TULP4: variants seen among roughly 807,000 people sequenced by gnomAD.
TULP4 encodes the protein tubby-related protein 4.
A neutral mutation model predicts 129.0 loss-of-function variants in TULP4; 16 were observed. The ratio of observed to expected loss-of-function variants is 0.12; its 90% CI spans 0.08 to 0.19. The LOEUF is 0.19. TULP4 is among the 10% of genes least tolerant of loss of function. TULP4 has a pLI of 1.00. For missense variants in TULP4, 1,842 were observed against 2,059.1 expected (o/e 0.89, Z 2.04); for synonymous variants, 998 against 854.0 (o/e 1.17, Z -2.94).
At chr6:158,292,887 T>C (rs895944069) in intron 1 of TULP4, among the ~76,000 whole-genome samples, 2 of 152,234 alleles carry the variant, frequency 1.3e-5, no homozygotes, top group Non-Finnish European at 1.5e-5. Flanking sequence ...CTGTGTACCC[T>C]GTGTGACATG....
At chr6:158,458,932 G>A (rs752756148) in intron 5 of TULP4, among the ~76,000 whole-genome samples, 16 of 152,162 alleles carry the variant, frequency 1.1e-4, no homozygotes, top group African/African-American at 2.2e-4. Context: ...GTCCCTGGTC[G>A]CGGCTGTGCC....
chr6:158,400,561 C>A (rs1479052940), intron 1 of TULP4, among the ~76,000 whole-genome samples: 1 of 152,040 alleles, frequency 6.6e-6, no homozygotes, highest in Non-Finnish European at 1.5e-5. Context: ...CTGATCAGAT[C>A]ATCTTTGCAT....
chr6:158,358,856 T>C (rs1033371171), intron 1 of TULP4, among the ~76,000 whole-genome samples: 4 of 152,156 alleles, frequency 2.6e-5, no homozygotes, highest in African/African-American at 9.7e-5. Flanking sequence ...AGGAGACAAG[T>C]GCTGTCTGCC....
intron 12 of TULP4, 129 bp from the exon 13 acceptor site, chr6:158,501,549 G>GTC: frequency 1.1e-6 from 1 of 934,642 alleles, no homozygotes; most frequent in Non-Finnish European, 1.6e-6. Flanking sequence ...AAGCAGACAC[G>GTC]TCTCTGTCTC....
intron 1 of TULP4, among the ~76,000 whole-genome samples, chr6:158,353,937 C>CT (rs1780583064): frequency 6.6e-6 from 1 of 152,250 alleles, no homozygotes; most frequent in Non-Finnish European, 1.5e-5. Flanking sequence ...TGAGAAATGT[C>CT]TGAGAACAGC....
chr6:158,335,046 G>A (rs191554126), intron 1 of TULP4, among the ~76,000 whole-genome samples: 41 of 152,208 alleles, frequency 2.7e-4, no homozygotes, highest in Admixed American at 5.9e-4. Flanking sequence ...GGGAGGTTGA[G>A]GCGGGCGGAT....
chr6:158,419,896 G>A (rs1309892311), intron 2 of TULP4, among the ~76,000 whole-genome samples: 1 of 152,166 alleles, frequency 6.6e-6, no homozygotes, highest in South Asian at 2.1e-4. Context: ...ACGACAGTCA[G>A]CAAAGATGTA....
rs1232802945 is a variant in TULP4 at position 158,498,665 on chromosome 6, C to T, written c.1871-4C>T. ...TTAACTGTGCCCTTCTTTTTCCCCA[C>T]CAGTAATCTATAAAACCAGCCTCCT... On this transcript the variant is annotated splice_region_variant and splice_polypyrimidine_tract_variant and intron_variant, in intron 11 of 13. Coordinates refer to ENST00000367097, the MANE Select transcript of TULP4 (RefSeq NM_020245.5). 6.2e-7 allele frequency: 1 copy of T among 1,614,184 alleles called. No individual in the cohort carries two copies.
At chr6:158,362,170 C>G (rs1362261236) in intron 1 of TULP4, among the ~76,000 whole-genome samples, 1 of 152,180 alleles carries the variant, frequency 6.6e-6, no homozygotes, top group Non-Finnish European at 1.5e-5. Context: ...TGAACCCACA[C>G]TCTGGGTTAT....
intron 1 of TULP4, among the ~76,000 whole-genome samples, chr6:158,295,955 C>T (rs1052780045): frequency 6.6e-6 from 1 of 152,192 alleles, no homozygotes; most frequent in African/African-American, 2.4e-5. Context: ...TCCCGGCTCA[C>T]AATAGCCACC....
chr6:158,434,284 A>G (rs1778701593), intron 3 of TULP4, among the ~76,000 whole-genome samples: 1 of 152,232 alleles, frequency 6.6e-6, no homozygotes, highest in South Asian at 2.1e-4. Flanking sequence ...GATAGAAAAT[A>G]TTTTGGAGAA....
At chr6:158,340,533 C>T (rs1278128497) in intron 1 of TULP4, among the ~76,000 whole-genome samples, 1 of 152,108 alleles carries the variant, frequency 6.6e-6, no homozygotes, top group African/African-American at 2.4e-5. Context: ...CCGTACTGCT[C>T]CCAAACCAGG....
intron 5 of TULP4, among the ~76,000 whole-genome samples, chr6:158,455,579 G>A (rs982558094): frequency 6.6e-6 from 1 of 151,740 alleles, no homozygotes; most frequent in Admixed American, 6.6e-5. Flanking sequence ...TCTACTGAAA[G>A]TACAAAAATT....
In TULP4 at chr6:158,503,536, T is replaced by C. The variant is rs756354424; in HGVS notation, c.3873T>C (p.Leu1291=). ...PKPHLVVEKP[L]VSPPPADLQS... ...CACACTTGGTGGTGGAGAAGCCCCT[T>C]GTGTCCCCACCACCTGCCGACCTCC... The change falls in exon 13 of 14, where the codon CTT becomes CTC. Residue 1291 remains leucine (L), a synonymous_variant. Transcript: ENST00000367097. The surrounding 1 kb of genome is among the most constrained non-coding windows in gnomAD (Gnocchi z 4.3). 2 of 1,613,910 alleles carry C rather than the reference T, an allele frequency of 1.2e-6. No homozygotes were observed. Among genetic ancestry groups the C allele is most frequent in the Non-Finnish European group, 1.7e-6 (2 of 1,180,020 alleles).
intron 3 of TULP4, among the ~76,000 whole-genome samples, chr6:158,436,007 C>T (rs1354603897): frequency 2.0e-5 from 3 of 152,078 alleles, no homozygotes; most frequent in African/African-American, 7.2e-5. Flanking sequence ...CTCCGCCTCC[C>T]GGGTTCAAGC....
At chr6:158,341,903 G>A (rs1215316846) in intron 1 of TULP4, among the ~76,000 whole-genome samples, 3 of 152,160 alleles carry the variant, frequency 2.0e-5, no homozygotes, top group Non-Finnish European at 2.9e-5. Context: ...CAGTGCAGAA[G>A]CTTTTTAGCT....
upstream of TULP4, among the ~76,000 whole-genome samples, chr6:158,309,618 C>G (rs1779300292): frequency 6.6e-6 from 1 of 152,158 alleles, no homozygotes; most frequent in Non-Finnish European, 1.5e-5. Flanking sequence ...ACCGAGTGAA[C>G]CAGACTCCGT....
At chr6:158,285,248 G>T (rs1388051009) in intron 1 of TULP4, among the ~76,000 whole-genome samples, 1 of 151,846 alleles carries the variant, frequency 6.6e-6, no homozygotes, top group Non-Finnish European at 1.5e-5. Context: ...TTTTGTTGTT[G>T]TTAAGCAACA....
intron 1 of TULP4, among the ~76,000 whole-genome samples, chr6:158,290,110 A>T (rs966342616): frequency 1.3e-4 from 19 of 151,658 alleles, no homozygotes; most frequent in Admixed American, 2.6e-4. Flanking sequence ...TAATTTTAAA[A>T]TTTTTTGTAG....
Sources: allele counts gnomAD v4.1 joint callset (sites outside exome capture counted in the v4.1 genomes callset), GRCh38; gene constraint gnomAD v4.1.1; non-coding constraint Gnocchi (gnomAD v3.1); transcripts MANE v1.5; gene names NCBI Gene and HGNC (gene_info 2026-07-23, HGNC 2026-07-21).